The following RAB3GAP2 variants were observed in gnomAD, a reference collection of about 807,000 sequenced individuals.
RAB3GAP2 encodes RAB3 GTPase activating non-catalytic protein subunit 2.
RAB3GAP2 carries 87 observed loss-of-function variants against 185.3 expected under a neutral mutation model. The ratio of observed to expected loss-of-function variants is 0.47; its 90% confidence interval spans 0.39 to 0.56. The LOEUF (loss-of-function observed/expected upper bound fraction) is 0.56, where lower values mean the gene tolerates loss of function less well. Ranked by LOEUF, RAB3GAP2 falls within the 20% of genes least tolerant of loss-of-function variation. The pLI is 0.00. For synonymous variants in RAB3GAP2, 554 were observed against 576.1 expected (o/e 0.96, Z 0.55); for missense variants, 1,492 against 1,638.2 (o/e 0.91, Z 1.54).
chr1:220,239,474 G>A (rs1029306227), intron 1 of RAB3GAP2, among the ~76,000 whole-genome samples: 1 of 152,102 alleles, frequency 6.6e-6, no homozygotes, highest in African/African-American at 2.4e-5. Context: ...CAAGCGAACT[G>A]CCCATCTCTG....
At chr1:220,223,060 T>G (rs1659336781) in intron 2 of RAB3GAP2, among the ~76,000 whole-genome samples, 1 of 152,214 alleles carries the variant, frequency 6.6e-6, no homozygotes, top group Non-Finnish European at 1.5e-5. Flanking sequence ...TTTGTTTTTT[T>G]GAGTCAGCGT....
chr1:220,151,623 T>C lies in RAB3GAP2; in HGVS notation c.4009A>G (p.Thr1337Ala). ...LLARLPPTLC[T>A]WLKAMDPQDL... The stretch of plus-strand genomic sequence containing the variant: ...GTACTGACCATTGCTTTCAGCCAAG[T>C]ACACAGTGTGGGTGGAAGTCTGGCA... The change falls in exon 34 of 35, where the codon ACT becomes GCT. Residue 1337 changes from threonine to alanine, a missense_variant. Around this residue, in one of 5 missense-constraint regions of RAB3GAP2, gnomAD observed 387 missense variants for 455.3 expected, o/e 0.85. Coordinates refer to ENST00000358951, the MANE Select transcript of RAB3GAP2 (RefSeq NM_012414.4). 1.2e-6 allele frequency: 2 copies of C among 1,612,006 alleles called. No individual in the cohort carries two copies. The highest frequency in any genetic ancestry group is 1.7e-6 in the Non-Finnish European group (2 of 1,178,008).
At chr1:220,212,750 C>A in intron 4 of RAB3GAP2, 137 bp downstream of exon 4, 2 of 760,916 alleles carry the variant, frequency 2.6e-6, no homozygotes, top group Non-Finnish European at 4.5e-6. Context: ...GCCTTGGCTT[C>A]CCAAAGTGCT....
intron 1 of RAB3GAP2, among the ~76,000 whole-genome samples, chr1:220,254,989 C>G (rs1195399377): frequency 2.0e-5 from 3 of 150,542 alleles, no homozygotes; most frequent in Non-Finnish European, 2.9e-5. Flanking sequence ...AAGTAAAGAG[C>G]CCATCCTTTG....
chr1:220,266,947 A>C, intron 1 of RAB3GAP2: 2 of 1,598,238 alleles, frequency 1.3e-6, no homozygotes, highest in Non-Finnish European at 1.7e-6. Context: ...AGGCTTCCCA[A>C]CTAAAAATTC....
chr1:220,266,461 T>G (rs111744215), intron 1 of RAB3GAP2: 18,690 of 500,810 alleles, frequency 0.037, 488 homozygotes, highest in Non-Finnish European at 0.051. Flanking sequence ...GAACCTTGCC[T>G]CCAGATTATG....
At chr1:220,171,462 C>T (rs911882332) in intron 23 of RAB3GAP2, among the ~76,000 whole-genome samples, 5 of 152,146 alleles carry the variant, frequency 3.3e-5, no homozygotes, top group Admixed American at 6.6e-5. Context: ...TCAGAATGCA[C>T]TCTTCAACCT....
intron 2 of RAB3GAP2, among the ~76,000 whole-genome samples, chr1:220,220,778 C>T (rs1659290998): frequency 6.6e-6 from 1 of 152,160 alleles, no homozygotes; most frequent in African/African-American, 2.4e-5. Context: ...GGGAGTTTCC[C>T]TGCACAAGCT....
rs1330959901 is a variant in RAB3GAP2, at chr1:220,182,757, T to A, written c.2173A>T (p.Asn725Tyr). The A allele has an allele frequency of 5.0e-6, 8 of 1,610,744 alleles. No homozygotes were observed. Among genetic ancestry groups the A allele is most frequent in the Non-Finnish European group, 6.8e-6 (8 of 1,179,354 alleles). Residue 725 changes from asparagine (N) to tyrosine (Y), a missense_variant, in exon 20 of 35, where the codon AAC becomes TAC. Asn to Tyr is a moderately radical substitution (Grantham distance 143). Around this residue, in one of 5 missense-constraint regions of RAB3GAP2, gnomAD observed 681 missense variants for 689.1 expected, o/e 0.99. Transcript: ENST00000358951. ...EYLEYEKDVL[N>Y]IKKISEEEYV... ...TCCTCTTCACTTATTTTCTTTATGTTGAGCACATCCTTTTCATATTCTAAA... is the reference window on the plus strand; with the variant it reads ...TCCTCTTCACTTATTTTCTTTATGTAGAGCACATCCTTTTCATATTCTAAA...
At chr1:220,182,040 A>T (rs1030017271) in intron 21 of RAB3GAP2, among the ~76,000 whole-genome samples, 2 of 151,466 alleles carry the variant, frequency 1.3e-5, no homozygotes, top group African/African-American at 4.9e-5. Flanking sequence ...TCTCTCTCTC[A>T]AAGTAAAAGA....
chr1:220,168,346 C>T (rs1438393306), intron 24 of RAB3GAP2, among the ~76,000 whole-genome samples: 4 of 151,950 alleles, frequency 2.6e-5, no homozygotes, highest in Non-Finnish European at 1.5e-5. Flanking sequence ...CCTGCCTCAG[C>T]CCCCCAAAGT....
chr1:220,237,507 G>A (rs1659615392), intron 1 of RAB3GAP2, among the ~76,000 whole-genome samples: 1 of 152,200 alleles, frequency 6.6e-6, no homozygotes, highest in African/African-American at 2.4e-5. Flanking sequence ...CCCTTGATGG[G>A]TAGGCCTTAA....
chr1:220,168,217 C>A (rs905677984), intron 24 of RAB3GAP2, among the ~76,000 whole-genome samples: 1 of 152,010 alleles, frequency 6.6e-6, no homozygotes, highest in Non-Finnish European at 1.5e-5. Context: ...CTCAGCCTCC[C>A]GAGCAACTGA....
chr1:220,250,512 C>A (rs1343782054), intron 1 of RAB3GAP2, among the ~76,000 whole-genome samples: 1 of 152,120 alleles, frequency 6.6e-6, no homozygotes, highest in Non-Finnish European at 1.5e-5. Context: ...TGAGTTAATG[C>A]TAAAATAAGT....
At chr1:220,266,752 T>C in intron 1 of RAB3GAP2, 1 of 1,588,934 alleles carries the variant, frequency 6.3e-7, no homozygotes, top group Admixed American at 1.7e-5. Context: ...TTGATGGTTT[T>C]GATGAATTTG....
chr1:220,196,069 C>A (rs1658717146), intron 10 of RAB3GAP2, 181 bp downstream of exon 10: 3 of 683,528 alleles, frequency 4.4e-6, no homozygotes, highest in Admixed American at 5.7e-5. Flanking sequence ...GATGGTAGTA[C>A]CTTTTCAGTT....
At chr1:220,264,569 G>T (rs1214782823) in intron 1 of RAB3GAP2, among the ~76,000 whole-genome samples, 1 of 151,866 alleles carries the variant, frequency 6.6e-6, no homozygotes, top group Non-Finnish European at 1.5e-5. Flanking sequence ...TGATCCCAAG[G>T]TACTCTTACT....
At chr1:220,155,760 T>C (rs1323128430) in intron 31 of RAB3GAP2, among the ~76,000 whole-genome samples, 1 of 152,186 alleles carries the variant, frequency 6.6e-6, no homozygotes, top group African/African-American at 2.4e-5. Flanking sequence ...TCAGGTAGTC[T>C]TGGCATGACA....
At chr1:220,247,053 A>G (rs2808008) in intron 1 of RAB3GAP2, among the ~76,000 whole-genome samples, 69,425 of 152,088 alleles carry the variant, frequency 0.46, 17,937 homozygotes, top group African/African-American at 0.71. Context: ...AAACCACAAA[A>G]AAATACCACC....
Sources: gnomAD v4.1 joint callset for allele counts (sites outside exome capture counted in the v4.1 genomes callset) on GRCh38, gnomAD v4.1.1 for gene constraint, gnomAD v4.1.1 regional missense constraint, MANE v1.5 for transcripts, NCBI Gene and HGNC (gene_info 2026-07-23, HGNC 2026-07-21) for gene names.